The following HEMK2 variants were observed in gnomAD, a reference collection of about 807,000 sequenced individuals.
The protein encoded by HEMK2 is HemK methyltransferase 2, ETF1 glutamine and histone H4 lysine.
chr21:28,615,066 T>A, the HEMK2 span, among the ~76,000 whole-genome samples: 5 of 152,134 alleles, frequency 3.3e-5, no homozygotes, highest in Admixed American at 2.6e-4. Context: ...CATGGTGAGA[T>A]ACAAGGGTGA....
the HEMK2 span, among the ~76,000 whole-genome samples, chr21:28,698,583 G>C: frequency 1.3e-5 from 2 of 152,122 alleles, no homozygotes. Flanking sequence ...CTATGAAAAT[G>C]TGTAACTAAT....
chr21:28,633,667 C>T, the HEMK2 span, among the ~76,000 whole-genome samples: 1 of 152,266 alleles, frequency 6.6e-6, no homozygotes, highest in East Asian at 1.9e-4. Context: ...GACACAAAAT[C>T]AACCTTCTGT....
the HEMK2 span, among the ~76,000 whole-genome samples, chr21:28,679,210 C>T: frequency 1.4e-4 from 22 of 152,008 alleles, no homozygotes; most frequent in African/African-American, 5.1e-4. Context: ...ATCTACCAAG[C>T]AAATGGAAAA....
chr21:28,840,410 T>C, the HEMK2 span, among the ~76,000 whole-genome samples: 1 of 152,128 alleles, frequency 6.6e-6, no homozygotes, highest in Non-Finnish European at 1.5e-5. Flanking sequence ...AACGGAACAG[T>C]CAGCAGAGTA....
chr21:28,591,366 G>T, the HEMK2 span, among the ~76,000 whole-genome samples: 113 of 152,284 alleles, frequency 7.4e-4, 2 homozygotes, highest in Non-Finnish European at 7.8e-4. Context: ...CACAGTTGTT[G>T]CATGCCTGGC....
the HEMK2 span, among the ~76,000 whole-genome samples, chr21:28,823,524 C>A: frequency 6.6e-6 from 1 of 152,254 alleles, no homozygotes; most frequent in Non-Finnish European, 1.5e-5. Context: ...TTCCACTGAA[C>A]CATCTCAGAC....
the HEMK2 span, among the ~76,000 whole-genome samples, chr21:28,751,037 C>T: frequency 6.6e-6 from 1 of 151,992 alleles, no homozygotes; most frequent in East Asian, 1.9e-4. Context: ...CAAGACCATC[C>T]TGGCTAACAA....
the HEMK2 span, among the ~76,000 whole-genome samples, chr21:28,881,604 G>C: frequency 6.6e-6 from 1 of 150,556 alleles, no homozygotes; most frequent in East Asian, 1.9e-4. Flanking sequence ...GTTCCTGGAA[G>C]TAGCTGTGCT....
At chr21:28,814,557 A>G in the HEMK2 span, among the ~76,000 whole-genome samples, 2 of 151,992 alleles carry the variant, frequency 1.3e-5, no homozygotes, top group African/African-American at 2.4e-5. Flanking sequence ...AACCCCATCA[A>G]AAAGTGGGCG....
chr21:28,684,173 T>C, the HEMK2 span, among the ~76,000 whole-genome samples: 4 of 152,214 alleles, frequency 2.6e-5, no homozygotes, highest in South Asian at 2.1e-4. Context: ...AGCAACACCA[T>C]TGTGTGTTTC....
the HEMK2 span, among the ~76,000 whole-genome samples, chr21:28,749,178 C>G: frequency 6.6e-6 from 1 of 152,104 alleles, no homozygotes; most frequent in Non-Finnish European, 1.5e-5. Flanking sequence ...TTTCTTGGAA[C>G]CCTAAAACTT....
At chr21:28,645,547 C>G in the HEMK2 span, among the ~76,000 whole-genome samples, 1 of 152,074 alleles carries the variant, frequency 6.6e-6, no homozygotes, top group African/African-American at 2.4e-5. Context: ...TGCATACCAT[C>G]AACTTAGCTG....
At chr21:28,729,020 G>A in the HEMK2 span, among the ~76,000 whole-genome samples, 5 of 152,214 alleles carry the variant, frequency 3.3e-5, no homozygotes, top group Non-Finnish European at 7.3e-5. Flanking sequence ...GGGACTGAGA[G>A]TGTACTCATT....
At chr21:28,671,566 T>TGATG in the HEMK2 span, among the ~76,000 whole-genome samples, 1 of 152,174 alleles carries the variant, frequency 6.6e-6, no homozygotes. Flanking sequence ...CAGAAGACTA[T>TGATG]GATGATAAAT....
the HEMK2 span, among the ~76,000 whole-genome samples, chr21:28,844,539 T>A: frequency 6.6e-6 from 1 of 152,214 alleles, no homozygotes; most frequent in African/African-American, 2.4e-5. Context: ...ACACATGGCC[T>A]TACATGTGAA....
At chr21:28,850,186 C>G in the HEMK2 span, among the ~76,000 whole-genome samples, 1 of 150,644 alleles carries the variant, frequency 6.6e-6, no homozygotes, top group African/African-American at 2.4e-5. Flanking sequence ...CCCCACAAGC[C>G]AGAAGAGACA....
chr21:28,640,106 C>G, the HEMK2 span, among the ~76,000 whole-genome samples: 4 of 152,164 alleles, frequency 2.6e-5, no homozygotes, highest in African/African-American at 9.7e-5. Flanking sequence ...TGGAAAATAA[C>G]AATTTTTAAA....
At chr21:28,707,211 C>T in the HEMK2 span, among the ~76,000 whole-genome samples, 1 of 151,378 alleles carries the variant, frequency 6.6e-6, no homozygotes, top group African/African-American at 2.4e-5. Context: ...TGAAAATTTA[C>T]TATATTTTCC....
At chr21:28,645,557 G>A in the HEMK2 span, among the ~76,000 whole-genome samples, 1 of 149,010 alleles carries the variant, frequency 6.7e-6, no homozygotes, top group Non-Finnish European at 1.5e-5. Flanking sequence ...CAACTTAGCT[G>A]TTTTTTTTTT....
Sources: gnomAD v4.1 joint callset for allele counts (sites outside exome capture counted in the v4.1 genomes callset) on GRCh38, gnomAD v4.1.1 for gene constraint, MANE v1.5 for transcripts, NCBI Gene and HGNC (gene_info 2026-07-23, HGNC 2026-07-21) for gene names.